Variants in ERC2 observed in about 807,000 individuals in gnomAD.
ERC2 encodes ERC protein 2.
Under a neutral mutation model 114.8 loss-of-function variants are expected in ERC2, and 42 were observed. The ratio of observed to expected loss-of-function variants is 0.37; its 90% CI spans 0.29 to 0.47. The LOEUF (loss-of-function observed/expected upper bound fraction) is 0.47. Ranked by LOEUF, ERC2 falls within the 20% of genes least tolerant of loss-of-function variation. The pLI, the probability that ERC2 is intolerant of heterozygous loss-of-function variation, is 0.99. For missense variants in ERC2, 939 were observed against 1,150.7 expected, an observed-to-expected ratio of 0.82 and a Z score of 2.66; for synonymous variants, 454 against 425.5, an observed-to-expected ratio of 1.07 and a Z score of -0.82.
chr3:56,037,650 C>T (rs2074892458), intron 7 of ERC2, among the ~76,000 whole-genome samples: 1 of 152,164 alleles, frequency 6.6e-6, no homozygotes, highest in Non-Finnish European at 1.5e-5. Flanking sequence ...TCCAGGAGAA[C>T]TTCCCCAGTC....
chr3:55,574,501 A>G (rs1223375728), intron 17 of ERC2, among the ~76,000 whole-genome samples: 2 of 152,038 alleles, frequency 1.3e-5, no homozygotes, highest in Non-Finnish European at 2.9e-5. Context: ...GCCAAGGAAG[A>G]TTCCTGTGGC....
At chr3:55,714,176 A>G (rs1478385512) in intron 15 of ERC2, among the ~76,000 whole-genome samples, 6 of 152,210 alleles carry the variant, frequency 3.9e-5, no homozygotes, top group Admixed American at 3.3e-4. Context: ...AGCCTAAAAA[A>G]ATGGAAAGTT....
At chr3:56,246,187 A>T (rs1008495845) in intron 3 of ERC2, among the ~76,000 whole-genome samples, 1 of 151,066 alleles carries the variant, frequency 6.6e-6, no homozygotes, top group East Asian at 1.9e-4. Context: ...TGGCTAATTT[A>T]TCTTGACTTG....
intron 2 of ERC2, among the ~76,000 whole-genome samples, chr3:56,300,402 T>C (rs2055790933): frequency 6.6e-6 from 1 of 151,708 alleles, no homozygotes. Context: ...CATAACCAGG[T>C]GGCTAGAAAT....
intron 3 of ERC2, among the ~76,000 whole-genome samples, chr3:56,218,875 A>C (rs1054498606): frequency 1.3e-5 from 2 of 152,166 alleles, no homozygotes; most frequent in African/African-American, 4.8e-5. Context: ...CATTCTCAGC[A>C]AACTATCGCA....
At chr3:56,043,435 C>T (rs999881234) in intron 7 of ERC2, among the ~76,000 whole-genome samples, 2 of 151,928 alleles carry the variant, frequency 1.3e-5, no homozygotes, top group African/African-American at 4.8e-5. Context: ...CATGCATATA[C>T]CTTTCATTTG....
intron 15 of ERC2, among the ~76,000 whole-genome samples, chr3:55,700,655 C>T (rs2063176921): frequency 6.6e-6 from 1 of 152,060 alleles, no homozygotes; most frequent in Admixed American, 6.6e-5. Context: ...CTCCCTAGCC[C>T]CCTTTCTTCA....
chr3:56,247,994 A>G (rs897201614), intron 3 of ERC2, among the ~76,000 whole-genome samples: 4 of 152,204 alleles, frequency 2.6e-5, no homozygotes, highest in African/African-American at 9.7e-5. Context: ...GTGACTTTTG[A>G]GTTAAGTCTT....
chr3:55,667,866 TGCTCTATGCCAGGATTTCTCA>T (rs1337701119), intron 17 of ERC2, among the ~76,000 whole-genome samples: 1 of 139,238 alleles, frequency 7.2e-6, no homozygotes, highest in Non-Finnish European at 1.6e-5. Flanking sequence ...CTGGAGAACA[TGCTCTATGCCAGGATTTCTCA>T]GCTTCAGCAC....
chr3:55,864,116 T>C (rs200528108), intron 14 of ERC2, among the ~76,000 whole-genome samples: 2 of 118,546 alleles, frequency 1.7e-5, no homozygotes, highest in African/African-American at 7.0e-5. Context: ...TATATATATA[T>C]ATACACACAC....
intron 3 of ERC2, among the ~76,000 whole-genome samples, chr3:56,286,082 G>A (rs1169152721): frequency 6.6e-6 from 1 of 152,118 alleles, no homozygotes; most frequent in African/African-American, 2.4e-5. Flanking sequence ...AATGTGTTAG[G>A]AATCAGAGAT....
chr3:55,656,493 C>T (rs951903323), intron 17 of ERC2, among the ~76,000 whole-genome samples: 3 of 152,138 alleles, frequency 2.0e-5, no homozygotes, highest in Non-Finnish European at 4.4e-5. Context: ...TGCCATCACC[C>T]AGGCCTGGCC....
chr3:55,992,313 G>A (rs756181277), intron 10 of ERC2, 63 bp from the exon 11 acceptor site: 78 of 1,365,874 alleles, frequency 5.7e-5, no homozygotes, highest in Non-Finnish European at 7.4e-5. Context: ...AGACAGTGCT[G>A]TCACCAATGG....
intron 17 of ERC2, among the ~76,000 whole-genome samples, chr3:55,588,466 T>C (rs1377118296): frequency 6.6e-6 from 1 of 152,162 alleles, no homozygotes; most frequent in Non-Finnish European, 1.5e-5. Flanking sequence ...GCCGAAGGAA[T>C]GTTAAAAAGA....
chr3:56,243,484 C>T (rs2051463078), intron 3 of ERC2, among the ~76,000 whole-genome samples: 1 of 152,158 alleles, frequency 6.6e-6, no homozygotes, highest in African/African-American at 2.4e-5. Context: ...ACAGTCACGG[C>T]TCCTTACCTG....
At position 55,668,156 on chromosome 3, in the gene ERC2, C is replaced by G. The variant is rs111798068; in HGVS notation, c.*39+15638G>C. Among the ~76,000 whole-genome samples, 218 of 152,156 alleles carry G rather than the reference C, an allele frequency of 1.4e-3. 2 individuals are homozygous for G. Among genetic ancestry groups the G allele is most frequent in the African/African-American group, 5.1e-3 (211 of 41,500 alleles). ...ATATATGTATCTCACTATTTGATTT[C>G]CCAACCATGAGTTAGCTGGCTCATA... On this transcript the variant is annotated intron_variant, in intron 17 of 17. Transcript: ENST00000288221.
chr3:55,738,493 G>A (rs2065780238), intron 14 of ERC2, among the ~76,000 whole-genome samples: 1 of 152,090 alleles, frequency 6.6e-6, no homozygotes, highest in African/African-American at 2.4e-5. Context: ...TATATAATTT[G>A]CTCATTTTCC....
chr3:55,719,880 G>A (rs2064350626), intron 15 of ERC2, among the ~76,000 whole-genome samples: 1 of 151,960 alleles, frequency 6.6e-6, no homozygotes, highest in South Asian at 2.1e-4. Flanking sequence ...TGTTGGATGG[G>A]TATAAACACC....
chr3:56,322,472 G>A (rs1196500215), intron 2 of ERC2, among the ~76,000 whole-genome samples: 7 of 152,266 alleles, frequency 4.6e-5, no homozygotes, highest in South Asian at 2.1e-4. Context: ...CCAAGTCTAC[G>A]CCTCAAGAGA....
Sources: gnomAD v4.1 joint callset for allele counts (sites outside exome capture counted in the v4.1 genomes callset) on GRCh38, gnomAD v4.1.1 for gene constraint, MANE v1.5 for transcripts, NCBI Gene and HGNC (gene_info 2026-07-23, HGNC 2026-07-21) for gene names.